PDZD2: variants seen among roughly 807,000 people sequenced by gnomAD.
PDZD2 encodes the protein PDZ domain containing 2.
PDZD2 carries 90 observed loss-of-function variants against 220.7 expected under a neutral mutation model. That is an observed-to-expected ratio of 0.41 (90% CI 0.34 to 0.49). PDZD2 has a LOEUF of 0.49. Among genes scored for constraint, PDZD2 ranks in the 20% least tolerant of loss-of-function variants. The pLI, the probability that PDZD2 is intolerant of heterozygous loss-of-function variation, is 0.28. For synonymous variants in PDZD2, 1,375 were observed against 1,450.5 expected, an observed-to-expected ratio of 0.95 and a Z score of 1.18; for missense variants, 3,174 against 3,608.5, an observed-to-expected ratio of 0.88 and a Z score of 3.08.
At chr5:31,987,839 G>T (rs189916211) in intron 3 of PDZD2, among the ~76,000 whole-genome samples, 1 of 152,230 alleles carries the variant, frequency 6.6e-6, no homozygotes, top group East Asian at 1.9e-4. Flanking sequence ...GAAACCCTCC[G>T]TCCTAGGGAG....
chr5:31,698,236 G>C (rs1239475855), intron 1 of PDZD2, among the ~76,000 whole-genome samples: 1 of 148,448 alleles, frequency 6.7e-6, no homozygotes, highest in Non-Finnish European at 1.5e-5. Flanking sequence ...ATCTCACCCA[G>C]CAGGAGCTGC....
At chr5:32,049,181 C>G (rs1738270806) in intron 8 of PDZD2, among the ~76,000 whole-genome samples, 3 of 152,050 alleles carry the variant, frequency 2.0e-5, no homozygotes, top group African/African-American at 4.8e-5. Context: ...ACTAGCTGCT[C>G]AAGTTGATGT....
intron 6 of PDZD2, among the ~76,000 whole-genome samples, chr5:32,033,860 C>T (rs917063379): frequency 2.6e-5 from 4 of 152,178 alleles, no homozygotes; most frequent in Non-Finnish European, 5.9e-5. Flanking sequence ...CTCAAGAAAT[C>T]TGCCCACCTC....
chr5:31,838,107 G>T (rs542579125), intron 2 of PDZD2, among the ~76,000 whole-genome samples: 2 of 152,112 alleles, frequency 1.3e-5, no homozygotes, highest in African/African-American at 4.8e-5. Context: ...TCCACTGTTG[G>T]AGTGCAGTGG....
chr5:31,890,135 A>ATTTT (rs59916833), intron 2 of PDZD2, among the ~76,000 whole-genome samples: 5,309 of 98,132 alleles, frequency 0.054, 547 homozygotes, highest in African/African-American at 0.18. Context: ...CTTTTTTGTG[A>ATTTT]TTTTTTTTTT....
chr5:32,058,566 C>T (rs989721694), intron 12 of PDZD2, among the ~76,000 whole-genome samples: 19 of 150,484 alleles, frequency 1.3e-4, no homozygotes, highest in African/African-American at 2.0e-4. Flanking sequence ...CCCAGCTACT[C>T]GGGAGGCTGA....
chr5:31,820,098 G>A (rs546875903), intron 2 of PDZD2, among the ~76,000 whole-genome samples: 10 of 152,328 alleles, frequency 6.6e-5, no homozygotes, highest in South Asian at 2.1e-4. Context: ...GGCTGGGTCC[G>A]GTAATGAGGT....
chr5:31,888,597 G>C (rs1002725314), intron 2 of PDZD2, among the ~76,000 whole-genome samples: 1 of 152,220 alleles, frequency 6.6e-6, no homozygotes, highest in African/African-American at 2.4e-5. Context: ...TAATGAGGTG[G>C]TTTATACTCT....
At chr5:31,945,178 A>G (rs916520937) in intron 2 of PDZD2, among the ~76,000 whole-genome samples, 2 of 152,146 alleles carry the variant, frequency 1.3e-5, no homozygotes, top group Non-Finnish European at 2.9e-5. Flanking sequence ...GATCTGACCG[A>G]CTATGCCCTA....
chr5:31,927,211 A>G (rs7719829), intron 2 of PDZD2, among the ~76,000 whole-genome samples: 90,300 of 151,920 alleles, frequency 0.59, 27,223 homozygotes, highest in East Asian at 0.78. Flanking sequence ...TGGATCTAAA[A>G]CAAAAGTAGA....
chr5:31,936,131 G>C, intron 2 of PDZD2: 1 of 986,470 alleles, frequency 1.0e-6, no homozygotes, highest in Non-Finnish European at 1.2e-6. Flanking sequence ...AGGAGAGAGA[G>C]AGAATCTGCT....
chr5:31,989,426 T>TTTTTTTTTTTTTTTATTTATTTATTTA (rs1561277958), intron 3 of PDZD2, among the ~76,000 whole-genome samples: 1 of 146,462 alleles, frequency 6.8e-6, no homozygotes, highest in African/African-American at 2.6e-5. Flanking sequence ...CTTTTCTTTT[T>TTTTTTTTTTTTTTTATTTATTTATTTA]TTTTTTTTTT....
At chr5:31,805,179 C>T (rs1283644649) in intron 2 of PDZD2, among the ~76,000 whole-genome samples, 1 of 152,194 alleles carries the variant, frequency 6.6e-6, no homozygotes, top group African/African-American at 2.4e-5. Flanking sequence ...GCCTGGGCAA[C>T]AGAGCAAGAC....
intron 12 of PDZD2, among the ~76,000 whole-genome samples, chr5:32,058,717 G>A (rs1739379334): frequency 6.7e-6 from 1 of 150,338 alleles, no homozygotes. Context: ...TTAAGTCTGG[G>A]GCTAATATAA....
intron 2 of PDZD2, among the ~76,000 whole-genome samples, chr5:31,816,771 G>A (rs1180676207): frequency 6.6e-6 from 1 of 152,202 alleles, no homozygotes; most frequent in Non-Finnish European, 1.5e-5. Context: ...CACAGGTGGT[G>A]GATAGGGTTG....
At chr5:31,822,970 C>T (rs6888789) in intron 2 of PDZD2, 663,842 of 1,126,522 alleles carry the variant, frequency 0.59, 198,807 homozygotes, top group Non-Finnish European at 0.62. Context: ...TTTGTCAACC[C>T]GGGGCCTCTT....
At chr5:31,842,180 A>G (rs1757351778) in intron 2 of PDZD2, among the ~76,000 whole-genome samples, 1 of 152,152 alleles carries the variant, frequency 6.6e-6, no homozygotes, top group Non-Finnish European at 1.5e-5. Context: ...CCTCCATTTC[A>G]TCCCTGTCTT....
At chr5:31,941,147 T>C (rs1746183769) in intron 2 of PDZD2, among the ~76,000 whole-genome samples, 1 of 152,360 alleles carries the variant, frequency 6.6e-6, no homozygotes, top group African/African-American at 2.4e-5. Flanking sequence ...CTTTTGCTCT[T>C]GCCTTTTGCA....
In PDZD2 at chr5:32,039,303, C is replaced by T. The variant is rs541413517; in HGVS notation, c.1519+1961C>T. On this transcript the variant is annotated intron_variant, in intron 7 of 24. Transcript: ENST00000438447. ...TGTATTTTTGGTGGAGACGGGGTTT[C>T]GCCGCGTTGACCGGGCTGGTCTCCA... Among the ~76,000 whole-genome samples the T allele has an allele frequency of 4.6e-5, 7 of 151,952 alleles. 1 individual carries two copies. In the East Asian group the frequency reaches 7.9e-4, roughly 17 times the overall value.
Sources: allele counts gnomAD v4.1 joint callset (sites outside exome capture counted in the v4.1 genomes callset), GRCh38; gene constraint gnomAD v4.1.1; transcripts MANE v1.5; gene names NCBI Gene and HGNC (gene_info 2026-07-23, HGNC 2026-07-21).